The following CATSPERE variants were observed in gnomAD, a reference collection of about 807,000 sequenced individuals.
CATSPERE encodes catsper channel auxiliary subunit epsilon, also known as cation channel sperm-associated auxiliary subunit epsilon.
CATSPERE carries 93 observed loss-of-function variants against 114.1 expected under a neutral mutation model. The ratio of observed to expected loss-of-function variants is 0.81; its 90% confidence interval spans 0.69 to 0.97. CATSPERE has a LOEUF of 0.97. CATSPERE is among the 50% of genes least tolerant of loss of function. The probability of loss-of-function intolerance (pLI) is 0.00; values close to 1 mark genes in which losing one functional copy is unlikely to be tolerated. For synonymous variants in CATSPERE, 341 were observed against 384.1 expected (o/e 0.89, Z 1.31); for missense variants, 1,058 against 1,131.6 (o/e 0.93, Z 0.93).
At chr1:244,482,008 C>T (rs564657467) in intron 5 of CATSPERE, among the ~76,000 whole-genome samples, 15 of 152,098 alleles carry the variant, frequency 9.9e-5, no homozygotes, top group Non-Finnish European at 1.9e-4. Flanking sequence ...CTCCAGGCTA[C>T]CCTGATCTAG....
intron 9 of CATSPERE, among the ~76,000 whole-genome samples, chr1:244,558,137 T>TC (rs1441299239): frequency 1.2e-4 from 4 of 32,062 alleles, no homozygotes; most frequent in Admixed American, 6.3e-4. Context: ...TCTCTCTCTC[T>TC]CTTTTTTTTT....
intron 20 of CATSPERE, among the ~76,000 whole-genome samples, chr1:244,619,924 A>G (rs577250992): frequency 1.3e-5 from 2 of 152,342 alleles, no homozygotes; most frequent in East Asian, 3.9e-4. Flanking sequence ...ACAAAACCAC[A>G]ATTTTATTAG....
At chr1:244,578,705 C>A (rs898955927) in intron 11 of CATSPERE, among the ~76,000 whole-genome samples, 2 of 149,762 alleles carry the variant, frequency 1.3e-5, no homozygotes, top group African/African-American at 2.5e-5. Context: ...CCCTCTCTCT[C>A]TATATATACA....
At position 244,593,379 on chromosome 1, in the gene CATSPERE, A is replaced by T; in HGVS notation, c.2190-16A>T. The T allele has an allele frequency of 6.2e-7, 1 of 1,611,196 alleles. No individual in the cohort carries two copies. ...AAAAGAGGAAAGAGAAATAATGAGG[A>T]ATGTCTTTTTCACAGGTCATATCTG... On this transcript the variant is annotated splice_polypyrimidine_tract_variant and intron_variant, in intron 15 of 21. Transcript: ENST00000366534.
At chr1:244,457,121 A>G (rs1666230786), upstream of CATSPERE, among the ~76,000 whole-genome samples, 1 of 152,238 alleles carries the variant, frequency 6.6e-6, no homozygotes, top group East Asian at 1.9e-4. Context: ...CTGTGGGTAT[A>G]AACCAGTTGG....
chr1:244,635,497 A>T lies in CATSPERE; in HGVS notation c.2657A>T (p.Asn886Ile), dbSNP rs774575509. 2 of 1,612,122 alleles carry T rather than the reference A, an allele frequency of 1.2e-6. No homozygotes were observed. The highest frequency in any genetic ancestry group is 2.2e-5 in the South Asian group (2 of 90,966). The change falls in exon 21 of 22, where the codon AAC (asparagine) becomes ATC (isoleucine). Residue 886 changes from asparagine to isoleucine, a missense_variant. By Grantham distance (149) the Asn-to-Ile change is moderately radical. This residue lies in a region of CATSPERE where 787 missense variants were observed against 905.6 expected (regional missense o/e 0.87). Coordinates refer to ENST00000366534, the MANE Select transcript of CATSPERE (RefSeq NM_001130957.2). ...KILDPNYSFC[N>I]LTAMFAIETF... The stretch of plus-strand genomic sequence containing the variant: ...ATTTTTCTGCTTTGCAGTTTCTGTA[A>T]CCTAACAGCTATGTTTGCAATAGAG...
At chr1:244,548,699 T>C (rs574267430) in intron 8 of CATSPERE, among the ~76,000 whole-genome samples, 101 of 152,344 alleles carry the variant, frequency 6.6e-4, no homozygotes, top group African/African-American at 2.2e-3. Flanking sequence ...GCTGGCATGA[T>C]AGAATAGTGA....
intron 7 of CATSPERE, among the ~76,000 whole-genome samples, chr1:244,507,560 C>G (rs147495889): frequency 6.6e-6 from 1 of 152,084 alleles, no homozygotes; most frequent in African/African-American, 2.4e-5. Context: ...AATGTTTGCC[C>G]AGACCAACGT....
chr1:244,498,765 G>C (rs1025536950), intron 6 of CATSPERE, among the ~76,000 whole-genome samples: 1 of 152,098 alleles, frequency 6.6e-6, no homozygotes, highest in Non-Finnish European at 1.5e-5. Context: ...AGGCATGGTG[G>C]TGGGCGCCTG....
intron 7 of CATSPERE, among the ~76,000 whole-genome samples, chr1:244,515,828 AATATTTTAAAATACTATTTAGT>A (rs1305519166): frequency 4.0e-5 from 6 of 150,626 alleles, no homozygotes; most frequent in African/African-American, 1.5e-4. Flanking sequence ...ATACTATTAT[AATATTTTAAAATACTATTTAGT>A]ATATTTTAAA....
rs139873563 is a variant in CATSPERE, at chr1:244,512,979, C to A, written c.430-5613C>A. ...GGACACCAGTGGTAGGGACAGCTGG[C>A]TAAACATCAGGTTCGTGAACCCCCT... On this transcript the variant is annotated intron_variant, in intron 7 of 21. Coordinates refer to ENST00000366534, the MANE Select transcript of CATSPERE (RefSeq NM_001130957.2). 4.9e-4 allele frequency among the ~76,000 whole-genome samples: 75 copies of A among 152,268 alleles called. 1 individual carries two copies. Among genetic ancestry groups the A allele is most frequent in the African/African-American group, 1.6e-3 (66 of 41,534 alleles).
At position 244,572,748 on chromosome 1, in the gene CATSPERE, CT is replaced by C; in HGVS notation, c.1929del (p.Phe643LeufsTer8). 1 of 1,597,278 alleles carries C rather than the reference CT, an allele frequency of 6.3e-7. No individual in the cohort carries two copies. Among genetic ancestry groups the C allele is most frequent in the East Asian group, 2.2e-5 (1 of 44,680 alleles). On this transcript the variant is annotated frameshift_variant, in exon 11 of 22. Coordinates refer to ENST00000366534, the MANE Select transcript of CATSPERE (RefSeq NM_001130957.2). LOFTEE classifies it high-confidence loss of function. ...GTCATGAGATTTCCTTTGAAGCTGC[CT>C]TTGGATACTGCACCAAAACTCTGGT... The part of the protein sequence containing the change: ...ESHEISFEAA[F>X]GYCTKTLTLT...
At chr1:244,451,785 G>A (rs747337269), upstream of CATSPERE, 1 of 1,597,148 alleles carries the variant, frequency 6.3e-7, no homozygotes, top group Non-Finnish European at 8.5e-7. The surrounding 1 kb of genome is among the most constrained non-coding windows in gnomAD (Gnocchi z 6.6). Flanking sequence ...TGGGCAGGGA[G>A]GATGCCGCCG....
chr1:244,482,059 C>T (rs1394370566), intron 5 of CATSPERE, among the ~76,000 whole-genome samples: 1 of 152,126 alleles, frequency 6.6e-6, no homozygotes, highest in South Asian at 2.1e-4. Context: ...AGGAAAAGCA[C>T]CTATCCAGGG....
Position 244,621,100 on chromosome 1 carries a change from A to AT in CATSPERE, c.2648+3415dup, listed in dbSNP as rs1672129984. Reference sequence around the variant, plus strand: ...ATATATATAAATATATATAAAATATATATAAATATATATATAATATATATA... The same window carrying AT: ...ATATATATAAATATATATAAAATATATTATAAATATATATATAATATATATA... On this transcript the variant is annotated intron_variant, in intron 20 of 21. Transcript: ENST00000366534. Among the ~76,000 whole-genome samples the AT allele has an allele frequency of 2.8e-5, 2 of 70,870 alleles. 1 individual carries two copies. Among genetic ancestry groups the AT allele is most frequent in the Non-Finnish European group, 5.2e-5 (2 of 38,294 alleles). 46.5% of individuals were successfully genotyped at this position (70,870 alleles called of 152,430 possible). A position where few individuals can be genotyped will look rare whatever the true frequency, so the allele number is the denominator to read the frequency against.
intron 20 of CATSPERE, 67 bp from the exon 21 acceptor site, chr1:244,635,422 A>G: frequency 8.8e-7 from 1 of 1,141,508 alleles, no homozygotes; most frequent in Non-Finnish European, 1.3e-6. Context: ...TACCATAGGG[A>G]CATGGAGAGC....
intron 21 of CATSPERE, among the ~76,000 whole-genome samples, chr1:244,639,369 T>C (rs1206729820): frequency 6.6e-6 from 1 of 152,176 alleles, no homozygotes; most frequent in Non-Finnish European, 1.5e-5. Context: ...TGGAAGGCCT[T>C]CCATGATGTG....
chr1:244,632,819 C>A (rs1342858542), intron 20 of CATSPERE, among the ~76,000 whole-genome samples: 1 of 152,026 alleles, frequency 6.6e-6, no homozygotes, highest in Non-Finnish European at 1.5e-5. Flanking sequence ...TACAAATGGT[C>A]TAAATATCCC....
chr1:244,485,021 T>G (rs1670775721), intron 5 of CATSPERE, among the ~76,000 whole-genome samples: 1 of 152,190 alleles, frequency 6.6e-6, no homozygotes, highest in Non-Finnish European at 1.5e-5. Context: ...TTTTTCCATT[T>G]TAGGTAATCT....
Sources: allele counts gnomAD v4.1 joint callset (sites outside exome capture counted in the v4.1 genomes callset), GRCh38; gene constraint gnomAD v4.1.1; regional missense constraint gnomAD v4.1.1; non-coding constraint Gnocchi (gnomAD v3.1); transcripts MANE v1.5; gene names NCBI Gene and HGNC (gene_info 2026-07-23, HGNC 2026-07-21).